SH3D21: variants seen among roughly 807,000 people sequenced by gnomAD.
The protein encoded by SH3D21 is manchette microtubule inner protein 1, also known as SH3 domain-containing protein 21.
A neutral mutation model predicts 82.1 loss-of-function variants in SH3D21; 83 were observed. The ratio of observed to expected loss-of-function variants is 1.01; its 90% CI spans 0.85 to 1.21. The LOEUF (loss-of-function observed/expected upper bound fraction) is 1.21, where lower values mean the gene tolerates loss of function less well. Among genes scored for constraint, SH3D21 ranks in the 50% most tolerant of loss-of-function variants. The pLI, the probability that SH3D21 is intolerant of heterozygous loss-of-function variation, is 0.00. For synonymous variants in SH3D21, 383 were observed against 387.8 expected (o/e 0.99, Z 0.15); for missense variants, 980 against 962.1 (o/e 1.02, Z -0.25).
rs1048473277 is a variant in SH3D21 at position 36,308,478 on chromosome 1, G to C, written c.726+3G>C. On this transcript the variant is annotated splice_donor_region_variant and intron_variant, in intron 9 of 15. Transcript: ENST00000453908. ...ACTTTGTACTCCCACCACCCCCAGTGAGTACAGAGCCAAGACACTCAGGTG... is the reference window on the plus strand; with the variant it reads ...ACTTTGTACTCCCACCACCCCCAGTCAGTACAGAGCCAAGACACTCAGGTG... 9.0e-6 allele frequency: 14 copies of C among 1,551,396 alleles called. No homozygotes were observed. Among genetic ancestry groups the C allele is most frequent in the Non-Finnish European group, 1.1e-5 (13 of 1,146,908 alleles).
In SH3D21 at chr1:36,306,965, G is replaced by A. The variant is rs1245976028; in HGVS notation, c.226+60G>A. 3.0e-6 allele frequency: 4 copies of A among 1,348,000 alleles called. No individual in the cohort carries two copies. The highest frequency in any genetic ancestry group is 3.8e-6 in the Non-Finnish European group (4 of 1,042,164). 83.5% of individuals were successfully genotyped at this position (1,348,000 alleles called of 1,614,324 possible). A position where few individuals can be genotyped will look rare whatever the true frequency, so the allele number is the denominator to read the frequency against. ...GGGTGCACGGAGCCAGTGCGACCCCGGCGTCTCCGGCTCTTAGTGACGGGC... is the reference window on the plus strand; with the variant it reads ...GGGTGCACGGAGCCAGTGCGACCCCAGCGTCTCCGGCTCTTAGTGACGGGC... On this transcript the variant is annotated intron_variant, in intron 3 of 15. Transcript: ENST00000453908. The surrounding 1 kb of genome is among the most constrained non-coding windows in gnomAD (Gnocchi z 4.5).
At position 36,307,715 on chromosome 1, in the gene SH3D21, C is replaced by G; in HGVS notation, c.437-55C>G. 6.5e-7 allele frequency: 1 copy of G among 1,544,122 alleles called. No individual in the cohort carries two copies. Among genetic ancestry groups the G allele is most frequent in the Non-Finnish European group, 8.8e-7 (1 of 1,142,028 alleles). On this transcript the variant is annotated intron_variant, in intron 5 of 15. Transcript: ENST00000453908. The surrounding 1 kb of genome is among the most constrained non-coding windows in gnomAD (Gnocchi z 5.4). The stretch of plus-strand genomic sequence containing the variant: ...GACCCTGTGACCCCTCTGACCCTCT[C>G]CCATGACCTAACCTGTGAATTAGCA...
chr1:36,313,972 C>CTATTTTTTTT (rs1646291050), intron 10 of SH3D21, among the ~76,000 whole-genome samples: 2 of 36,784 alleles, frequency 5.4e-5, no homozygotes, highest in Admixed American at 6.2e-4. Context: ...AACATATTTT[C>CTATTTTTTTT]TTTTTTTTTT....
intron 10 of SH3D21, among the ~76,000 whole-genome samples, chr1:36,312,414 G>A (rs991331379): frequency 1.3e-5 from 2 of 152,162 alleles, no homozygotes; most frequent in Non-Finnish European, 2.9e-5. Flanking sequence ...ACATTCTTCT[G>A]TTTATTGCAG....
chr1:36,311,431 G>A (rs772157483), intron 10 of SH3D21, among the ~76,000 whole-genome samples: 16 of 151,754 alleles, frequency 1.1e-4, no homozygotes, highest in Non-Finnish European at 1.8e-4. Flanking sequence ...TAGTAGAGAT[G>A]GGGTTTCACC....
chr1:36,321,481 C>G (rs1462192877), downstream of SH3D21: 1 of 913,668 alleles, frequency 1.1e-6, no homozygotes. This position sits in a 1 kb window ranked among gnomAD's most constrained non-coding sequence, Gnocchi z 6.1. Flanking sequence ...TCTTGACGCC[C>G]GGCCTAGATT....
At chr1:36,326,382 C>T (rs969798559), downstream of SH3D21, among the ~76,000 whole-genome samples, 3 of 152,112 alleles carry the variant, frequency 2.0e-5, no homozygotes, top group African/African-American at 7.2e-5. Context: ...CAGGCATGCA[C>T]AACCACACCC....
downstream of SH3D21, chr1:36,321,392 G>A: frequency 7.4e-7 from 1 of 1,351,306 alleles, no homozygotes; most frequent in South Asian, 1.6e-5. This position sits in a 1 kb window ranked among gnomAD's most constrained non-coding sequence, Gnocchi z 6.1. Flanking sequence ...ATGGTGAGGG[G>A]CGGGGGAGGG....
rs142552561 is a variant in SH3D21 at position 36,321,011 on chromosome 1, C to T, written c.2199+33C>T. On this transcript the variant is annotated intron_variant, in intron 15 of 15. Transcript: ENST00000453908. The surrounding 1 kb of genome is among the most constrained non-coding windows in gnomAD (Gnocchi z 6.1). Reference sequence around the variant, plus strand: ...GCGGGTCCCGGCGGGAGGGGGCTGACGGCGAGTGGCCCCCTGACAAAGTCT... The same window carrying T: ...GCGGGTCCCGGCGGGAGGGGGCTGATGGCGAGTGGCCCCCTGACAAAGTCT... 772 of 1,580,020 alleles carry T rather than the reference C, an allele frequency of 4.9e-4. 5 individuals are homozygous for T. The African/African-American group carries it at 9.5e-3, about 19-fold the overall frequency.
chr1:36,306,505 G>T lies in SH3D21; in HGVS notation c.4+81G>T, dbSNP rs372329658. 9.3e-4 allele frequency: 1,214 copies of T among 1,304,410 alleles called. 1 individual carries two copies. The highest frequency in any genetic ancestry group is 1.7e-3 in the South Asian group (139 of 81,002). 80.8% of individuals were successfully genotyped at this position (1,304,410 alleles called of 1,614,324 possible). A position where few individuals can be genotyped will look rare whatever the true frequency, so the allele number is the denominator to read the frequency against. ...CCCACACCACCCCCCGACCCCCGCT[G>T]CCCTCTACGGTGCTTGGGGACACGC... On this transcript the variant is annotated intron_variant, in intron 1 of 15. Transcript: ENST00000453908. The surrounding 1 kb of genome is among the most constrained non-coding windows in gnomAD (Gnocchi z 4.5).
chr1:36,311,365 C>T (rs372047074), intron 10 of SH3D21, among the ~76,000 whole-genome samples: 30 of 152,234 alleles, frequency 2.0e-4, no homozygotes, highest in African/African-American at 6.5e-4. Context: ...CTCAGCCTCC[C>T]GAGTAGCTGG....
intron 10 of SH3D21, among the ~76,000 whole-genome samples, chr1:36,314,464 C>CTTTTTT (rs56283418): frequency 7.5e-6 from 1 of 132,890 alleles, no homozygotes; most frequent in African/African-American, 2.8e-5. Flanking sequence ...TTCTCCCATT[C>CTTTTTT]TTTTTTTTTT....
Position 36,307,433 on chromosome 1 carries a change from G to T in SH3D21, c.346-84G>T. The T allele has an allele frequency of 2.0e-6, 3 of 1,513,724 alleles. No individual in the cohort carries two copies. In the South Asian group the frequency reaches 3.7e-5, roughly 19 times the overall value. 93.8% of individuals were successfully genotyped at this position (1,513,724 alleles called of 1,614,324 possible). The stretch of plus-strand genomic sequence containing the variant: ...GGGAGGGAAGGAGGGAGGAAGGGGC[G>T]CTTGGGCAGAACCAAGGGTGGCAGA... On this transcript the variant is annotated intron_variant, in intron 4 of 15. Coordinates refer to ENST00000453908, the MANE Select transcript of SH3D21 (RefSeq NM_001162530.2). The surrounding 1 kb of genome is among the most constrained non-coding windows in gnomAD (Gnocchi z 5.4).
Position 36,321,141 on chromosome 1 carries a change from A to T in SH3D21, c.*14A>T. 6.2e-7 allele frequency: 1 copy of T among 1,608,214 alleles called. No homozygotes were observed. Among genetic ancestry groups the T allele is most frequent in the Non-Finnish European group, 8.5e-7 (1 of 1,177,768 alleles). On this transcript the variant is annotated 3_prime_UTR_variant, in exon 16 of 16. Coordinates refer to ENST00000453908, the MANE Select transcript of SH3D21 (RefSeq NM_001162530.2). The surrounding 1 kb of genome is among the most constrained non-coding windows in gnomAD (Gnocchi z 6.1). Reference sequence around the variant, plus strand: ...CAGACCTACTGAGGGTGGGCCTGGGAAGGGACCGCGGCCTGACCTGGCTGG... The same window carrying T: ...CAGACCTACTGAGGGTGGGCCTGGGTAGGGACCGCGGCCTGACCTGGCTGG...
Position 36,319,688 on chromosome 1 carries a change from G to A in SH3D21, c.1025G>A (p.Ser342Asn). The A allele has an allele frequency of 6.3e-7, 1 of 1,588,520 alleles. No individual in the cohort carries two copies. Among genetic ancestry groups the A allele is most frequent in the East Asian group, 2.3e-5 (1 of 44,146 alleles). ...CCATCACGGCAGGAGGAAGAGCACAGCAGCCCGGTAAAGGCCCCCTCTGTG... is the reference window on the plus strand; with the variant it reads ...CCATCACGGCAGGAGGAAGAGCACAACAGCCCGGTAAAGGCCCCCTCTGTG... ...RSVSSQEEEHSSPVKAPSVKR... is the reference protein window; with the variant it reads ...RSVSSQEEEHNSPVKAPSVKR... The change falls in exon 14 of 16, where the codon AGC (serine) becomes AAC (asparagine). Residue 342 changes from serine (S) to asparagine (N), a missense_variant. Coordinates refer to ENST00000453908, the MANE Select transcript of SH3D21 (RefSeq NM_001162530.2).
chr1:36,322,626 C>T (rs535852437), downstream of SH3D21: 2 of 1,545,824 alleles, frequency 1.3e-6, no homozygotes, highest in African/African-American at 1.4e-5. Flanking sequence ...GGGCCGCGGG[C>T]GGGGCGCCCA....
In SH3D21 at chr1:36,308,464, C is replaced by T; in HGVS notation, c.715C>T (p.Pro239Ser). 3 of 1,551,518 alleles carry T rather than the reference C, an allele frequency of 1.9e-6. No individual in the cohort carries two copies. The highest frequency in any genetic ancestry group is 2.6e-6 in the Non-Finnish European group (3 of 1,146,908). Residue 239 changes from proline (P) to serine (S), a missense_variant, in exon 9 of 16, where the codon CCA (proline) becomes TCA (serine). Physicochemically the swap from Pro to Ser is moderately conservative, Grantham distance 74 (BLOSUM62 -1). Transcript: ENST00000453908. ...RGVFPDNFVL[P>S]PPPIKKLVPR... ...AGTTTTTCCAGACAACTTTGTACTCCCACCACCCCCAGTGAGTACAGAGCC... is the reference window on the plus strand; with the variant it reads ...AGTTTTTCCAGACAACTTTGTACTCTCACCACCCCCAGTGAGTACAGAGCC...
Position 36,313,972 on chromosome 1 carries a change from C to CTTTTTTT in SH3D21, c.769+4396_769+4402dup, listed in dbSNP as rs767624105. On this transcript the variant is annotated intron_variant, in intron 10 of 15. Transcript: ENST00000453908. ...TGGCTAATGATGCTGAACATATTTT[C>CTTTTTTT]TTTTTTTTTTTTTTTTTTTTGAGAC... Among the ~76,000 whole-genome samples the CTTTTTTT allele has an allele frequency of 0.013, 493 of 36,828 alleles. 192 individuals carry two copies. In the East Asian group the frequency reaches 0.22, roughly 17 times the overall value. 24.2% of individuals were successfully genotyped at this position (36,828 alleles called of 152,430 possible).
chr1:36,322,942 GC>G, downstream of SH3D21: 2 of 1,606,216 alleles, frequency 1.2e-6, no homozygotes, highest in Non-Finnish European at 8.5e-7. Context: ...AAGGGTTCAG[GC>G]CCCCAGTCTT....
Sources: gnomAD v4.1 joint callset for allele counts (sites outside exome capture counted in the v4.1 genomes callset) on GRCh38, gnomAD v4.1.1 for gene constraint, Gnocchi (gnomAD v3.1) non-coding constraint, MANE v1.5 for transcripts, NCBI Gene and HGNC (gene_info 2026-07-23, HGNC 2026-07-21) for gene names.